WDR26: variants seen among roughly 807,000 people sequenced by gnomAD.
The protein encoded by WDR26 is WD repeat-containing protein 26.
WDR26 carries 5 observed loss-of-function variants against 84.1 expected under a neutral mutation model. The ratio of observed to expected loss-of-function variants is 0.06; its 90% CI spans 0.03 to 0.13. WDR26 has a LOEUF of 0.13. WDR26 is among the 10% of genes least tolerant of loss of function. The pLI, the probability that WDR26 is intolerant of heterozygous loss-of-function variation, is 1.00. For synonymous variants in WDR26, 415 were observed against 389.6 expected, an observed-to-expected ratio of 1.07 and a Z score of -0.77; for missense variants, 642 against 974.9, an observed-to-expected ratio of 0.66 and a Z score of 4.55.
chr1:224,398,459 T>C, intron 11 of WDR26, 56 bp downstream of exon 11: 2 of 1,454,646 alleles, frequency 1.4e-6, no homozygotes, highest in Non-Finnish European at 1.9e-6. Context: ...AAATAACAGT[T>C]AAAATAAAAC....
intron 5 of WDR26, among the ~76,000 whole-genome samples, chr1:224,418,824 T>C (rs1216546466): frequency 6.6e-6 from 1 of 152,238 alleles, no homozygotes; most frequent in Non-Finnish European, 1.5e-5. Context: ...TAAGTTCTAG[T>C]TCCCATCAAA....
intron 6 of WDR26, among the ~76,000 whole-genome samples, chr1:224,417,988 C>G (rs776467812): frequency 6.6e-5 from 10 of 152,046 alleles, no homozygotes; most frequent in Non-Finnish European, 1.3e-4. Context: ...TAATTTGGGA[C>G]ATAGTTAAAT....
At chr1:224,411,018 G>A (rs1195063508) in intron 7 of WDR26, among the ~76,000 whole-genome samples, 2 of 152,104 alleles carry the variant, frequency 1.3e-5, no homozygotes, top group African/African-American at 4.8e-5. Flanking sequence ...TATTAACAAA[G>A]ATATAAATTG....
chr1:224,389,902 G>GGA, intron 13 of WDR26, 42 bp from the exon 14 acceptor site: 4 of 376,260 alleles, frequency 1.1e-5, no homozygotes, highest in Non-Finnish European at 2.0e-5. Context: ...GCGGGCGGGG[G>GGA]AGGGAAGAGG....
intron 11 of WDR26, 115 bp from the exon 12 acceptor site, chr1:224,398,341 A>T (rs1340878033): frequency 1.5e-5 from 21 of 1,388,286 alleles, no homozygotes; most frequent in Middle Eastern, 2.2e-4. Context: ...ATTATGCAAA[A>T]TACCAACATT....
chr1:224,426,835 A>G (rs1049463937), intron 3 of WDR26, among the ~76,000 whole-genome samples: 3 of 151,756 alleles, frequency 2.0e-5, no homozygotes, highest in Admixed American at 2.0e-4. Context: ...GGTGGCTCAC[A>G]CCTGTAATCC....
intron 6 of WDR26, among the ~76,000 whole-genome samples, chr1:224,414,677 T>C (rs1673842037): frequency 6.6e-6 from 1 of 152,100 alleles, no homozygotes; most frequent in South Asian, 2.1e-4. Flanking sequence ...AGATAAATAA[T>C]AGGAATTAAA....
Position 224,389,685 on chromosome 1 carries a change from T to C in WDR26, c.*150A>G. ...GTTACTATGAAGCAAGGTGTAAATG[T>C]TTGGCCCCAATCGGGCTTCAGAAAT... is the stretch of plus-strand genomic sequence containing the variant. On this transcript the variant is annotated 3_prime_UTR_variant, in exon 14 of 14. Transcript: ENST00000414423. 1.3e-6 allele frequency: 1 copy of C among 779,776 alleles called. No individual in the cohort carries two copies. The highest frequency in any genetic ancestry group is 1.5e-5 in the South Asian group (1 of 67,498). The allele number at this position is 779,776 out of a possible 1,614,324, so 48.3% of individuals were successfully genotyped here. A position where few individuals can be genotyped will look rare whatever the true frequency, so the allele number is the denominator to read the frequency against.
At chr1:224,409,302 A>G (rs1211512427) in intron 7 of WDR26, among the ~76,000 whole-genome samples, 1 of 152,212 alleles carries the variant, frequency 6.6e-6, no homozygotes, top group Non-Finnish European at 1.5e-5. Context: ...TACTATGTTA[A>G]CTACATATCA....
At chr1:224,426,457 CTG>C (rs1450736874) in intron 3 of WDR26, among the ~76,000 whole-genome samples, 1 of 152,014 alleles carries the variant, frequency 6.6e-6, no homozygotes, top group Non-Finnish European at 1.5e-5. Context: ...AAAATTCAAA[CTG>C]AGACACTCCT....
In WDR26 at chr1:224,389,659, G is replaced by A; in HGVS notation, c.*176C>T. Reference sequence around the variant, plus strand: ...TCTAACGACGTGCTTCATCTCAACTGGTTACTATGAAGCAAGGTGTAAATG... The same window carrying A: ...TCTAACGACGTGCTTCATCTCAACTAGTTACTATGAAGCAAGGTGTAAATG... On this transcript the variant is annotated 3_prime_UTR_variant, in exon 14 of 14. Transcript: ENST00000414423. The A allele has an allele frequency of 1.5e-6, 1 of 671,748 alleles. No individual in the cohort carries two copies. Among genetic ancestry groups the A allele is most frequent in the Non-Finnish European group, 2.6e-6 (1 of 383,622 alleles). 41.6% of individuals were successfully genotyped at this position (671,748 alleles called of 1,614,324 possible).
In WDR26 at chr1:224,386,511, G is replaced by A. The variant is rs1672995026; in HGVS notation, c.*3324C>T. 1 of 152,400 alleles carries A rather than the reference G, an allele frequency of 6.6e-6. No homozygotes were observed. Among genetic ancestry groups the A allele is most frequent in the East Asian group, 1.9e-4 (1 of 5,192 alleles). 9.4% of individuals were successfully genotyped at this position (152,400 alleles called of 1,614,324 possible). A position where few individuals can be genotyped will look rare whatever the true frequency, so the allele number is the denominator to read the frequency against. On this transcript the variant is annotated 3_prime_UTR_variant, in exon 14 of 14. Transcript: ENST00000414423. The stretch of plus-strand genomic sequence containing the variant: ...TTGCAGGAACCAACATCCTAAAAAA[G>A]AAAATGTCAAGATGGGGAGGGGTGG...
chr1:224,407,575 CTCAAT>C (rs1277839771), intron 7 of WDR26, among the ~76,000 whole-genome samples: 1 of 149,802 alleles, frequency 6.7e-6, no homozygotes, highest in East Asian at 2.0e-4. Flanking sequence ...GTGGCGCAAT[CTCAAT>C]TCATTGCACC....
intron 6 of WDR26, among the ~76,000 whole-genome samples, chr1:224,416,187 G>T (rs1673897592): frequency 6.6e-6 from 1 of 151,954 alleles, no homozygotes. Context: ...GAAGAAAAAG[G>T]ATGCTTTCAT....
chr1:224,395,887 C>G (rs1471930285), intron 12 of WDR26, among the ~76,000 whole-genome samples: 1 of 152,142 alleles, frequency 6.6e-6, no homozygotes, highest in Non-Finnish European at 1.5e-5. Context: ...GTAAAAAAGT[C>G]CAGTTTTTCT....
Position 224,434,204 on chromosome 1 carries a change from C to CGGAGGAGGA in WDR26, c.193_201dup (p.Ser65_Ser67dup), listed in dbSNP as rs144531645. On this transcript the variant is annotated inframe_insertion, in exon 1 of 14. Transcript: ENST00000414423. ...GGGGGAAGTCCCACCACTACCACCA[C>CGGAGGAGGA]GGAGGAGGAGGAGGAGGAGGAGGAC... is the stretch of plus-strand genomic sequence containing the variant. 3,502 of 1,342,602 alleles carry CGGAGGAGGA rather than the reference C, an allele frequency of 2.6e-3. 6 individuals carry two copies. The highest frequency in any genetic ancestry group is 4.3e-3 in the South Asian group (248 of 57,352). 83.2% of individuals were successfully genotyped at this position (1,342,602 alleles called of 1,614,324 possible). A position where few individuals can be genotyped will look rare whatever the true frequency, so the allele number is the denominator to read the frequency against.
At chr1:224,407,368 G>T (rs1287013390) in intron 7 of WDR26, among the ~76,000 whole-genome samples, 1 of 147,376 alleles carries the variant, frequency 6.8e-6, no homozygotes, top group African/African-American at 2.5e-5. Flanking sequence ...ATCTTTTTTA[G>T]GCAAAGAAAA....
chr1:224,417,669 T>A (rs1673947202), intron 6 of WDR26, among the ~76,000 whole-genome samples: 1 of 152,214 alleles, frequency 6.6e-6, no homozygotes, highest in Admixed American at 6.5e-5. Flanking sequence ...CACTGCACTC[T>A]ATCCTGGGCA....
chr1:224,426,258 T>A (rs994048312), intron 3 of WDR26, among the ~76,000 whole-genome samples: 2 of 152,318 alleles, frequency 1.3e-5, no homozygotes, highest in African/African-American at 4.8e-5. Context: ...AATAAACTGC[T>A]CTACAAGATT....
Sources: allele counts gnomAD v4.1 joint callset (sites outside exome capture counted in the v4.1 genomes callset), GRCh38; gene constraint gnomAD v4.1.1; transcripts MANE v1.5; gene names NCBI Gene and HGNC (gene_info 2026-07-23, HGNC 2026-07-21).